SAMD4A: variants seen among roughly 807,000 people sequenced by gnomAD.
SAMD4A encodes protein Smaug homolog 1.
Under a neutral mutation model 81.3 loss-of-function variants are expected in SAMD4A, and 33 were observed. That is an observed-to-expected ratio of 0.41 (90% CI 0.31 to 0.54). The LOEUF is 0.54. Among genes scored for constraint, SAMD4A ranks in the 20% least tolerant of loss-of-function variants. SAMD4A has a pLI of 0.37. For synonymous variants in SAMD4A, 389 were observed against 382.1 expected, an observed-to-expected ratio of 1.02 and a Z score of -0.21; for missense variants, 854 against 951.1, an observed-to-expected ratio of 0.90 and a Z score of 1.34.
intron 3 of SAMD4A, among the ~76,000 whole-genome samples, chr14:54,722,307 G>C (rs569057936): frequency 1.3e-5 from 2 of 152,256 alleles, no homozygotes; most frequent in African/African-American, 4.8e-5. Context: ...CCAGAGTGAA[G>C]ATGTGACAGC....
chr14:54,766,725 C>T (rs1401854000), intron 8 of SAMD4A, among the ~76,000 whole-genome samples: 2 of 152,182 alleles, frequency 1.3e-5, no homozygotes, highest in South Asian at 2.1e-4. Context: ...TCCTCTCCCA[C>T]GCCTGCTCTC....
intron 3 of SAMD4A, among the ~76,000 whole-genome samples, chr14:54,708,076 A>C (rs907826832): frequency 6.6e-6 from 1 of 152,256 alleles, no homozygotes; most frequent in Admixed American, 6.5e-5. Flanking sequence ...AGATAGGGCA[A>C]GGACAGAAAC....
intron 3 of SAMD4A, among the ~76,000 whole-genome samples, chr14:54,707,005 A>G (rs1044391040): frequency 1.3e-5 from 2 of 152,136 alleles, no homozygotes. Flanking sequence ...TAAAAGTATC[A>G]TTAGGATAGG....
intron 2 of SAMD4A, among the ~76,000 whole-genome samples, chr14:54,595,298 T>G (rs948746116): frequency 1.3e-5 from 2 of 152,082 alleles, no homozygotes; most frequent in African/African-American, 2.4e-5. Flanking sequence ...TACTATCTTA[T>G]AAGTATACAA....
intron 3 of SAMD4A, among the ~76,000 whole-genome samples, chr14:54,716,718 T>C (rs978084557): frequency 2.0e-5 from 3 of 152,204 alleles, no homozygotes; most frequent in African/African-American, 7.2e-5. Flanking sequence ...GATGATTTTT[T>C]TGGCAATGTG....
At chr14:54,739,662 C>T (rs955417099) in intron 4 of SAMD4A, among the ~76,000 whole-genome samples, 4 of 152,168 alleles carry the variant, frequency 2.6e-5, no homozygotes, top group African/African-American at 4.8e-5. Context: ...CGAAGTGTCA[C>T]GGGCCAGTAT....
At chr14:54,576,948 G>A (rs547755222) in intron 2 of SAMD4A, among the ~76,000 whole-genome samples, 1 of 152,358 alleles carries the variant, frequency 6.6e-6, no homozygotes, top group Admixed American at 6.5e-5. Flanking sequence ...CAAGAAGGCA[G>A]AGCCTGAGGC....
At chr14:54,776,051 C>T (rs528300935) in intron 10 of SAMD4A, among the ~76,000 whole-genome samples, 9 of 147,052 alleles carry the variant, frequency 6.1e-5, no homozygotes, top group Admixed American at 4.1e-4. Flanking sequence ...AATCAGAGCC[C>T]TGAAATAGTT....
intron 2 of SAMD4A, among the ~76,000 whole-genome samples, chr14:54,677,386 C>T (rs61976981): frequency 0.059 from 8,968 of 152,262 alleles, 348 homozygotes; most frequent in Middle Eastern, 0.14. Flanking sequence ...CCCTATTACC[C>T]TAACTCCTCC....
At position 54,660,852 on chromosome 14, in the gene SAMD4A, T is replaced by C. The variant is rs181834536; in HGVS notation, c.197-41210T>C. ...GTATCCAAGCATATCCCTCCAGTCC[T>C]GTCAGCCACAGAATTGTTTGCCTGT... On this transcript the variant is annotated intron_variant, in intron 2 of 12. Coordinates refer to ENST00000554335, the MANE Select transcript of SAMD4A (RefSeq NM_015589.6). Among the ~76,000 whole-genome samples, 313 of 152,370 alleles carry C rather than the reference T, an allele frequency of 2.1e-3. 4 individuals carry two copies. Among genetic ancestry groups the C allele is most frequent in the Middle Eastern group, 0.01 (3 of 294 alleles).
intron 2 of SAMD4A, among the ~76,000 whole-genome samples, chr14:54,611,083 G>A (rs923415972): frequency 6.6e-6 from 1 of 152,062 alleles, no homozygotes; most frequent in Non-Finnish European, 1.5e-5. Flanking sequence ...TAATGACACA[G>A]AAATATTGTA....
At chr14:54,692,734 T>G (rs1323684127) in intron 2 of SAMD4A, among the ~76,000 whole-genome samples, 1 of 152,142 alleles carries the variant, frequency 6.6e-6, no homozygotes, top group Non-Finnish European at 1.5e-5. Flanking sequence ...CTGAGGGGTT[T>G]TTGGTGTAAA....
At chr14:54,612,396 G>C (rs2034380303) in intron 2 of SAMD4A, among the ~76,000 whole-genome samples, 1 of 151,922 alleles carries the variant, frequency 6.6e-6, no homozygotes, top group African/African-American at 2.4e-5. Context: ...GCTCTTTCCT[G>C]CTTGATAGAG....
intron 4 of SAMD4A, among the ~76,000 whole-genome samples, chr14:54,744,813 C>T (rs933800414): frequency 6.6e-6 from 1 of 152,200 alleles, no homozygotes; most frequent in African/African-American, 2.4e-5. Flanking sequence ...CAAGGAACCT[C>T]GTTCTCCAGC....
At chr14:54,750,015 C>G (rs78850151) in intron 5 of SAMD4A, among the ~76,000 whole-genome samples, 1 of 152,198 alleles carries the variant, frequency 6.6e-6, no homozygotes, top group Non-Finnish European at 1.5e-5. Context: ...GAAAGGCACT[C>G]ATTTCAACTT....
intron 4 of SAMD4A, among the ~76,000 whole-genome samples, chr14:54,737,953 C>T (rs904428274): frequency 2.3e-5 from 1 of 43,764 alleles, no homozygotes; most frequent in African/African-American, 1.8e-4. Flanking sequence ...TGAATCTACC[C>T]TCTTCTAAAA....
intron 2 of SAMD4A, among the ~76,000 whole-genome samples, chr14:54,644,119 C>A (rs567209762): frequency 6.6e-6 from 1 of 152,290 alleles, no homozygotes; most frequent in South Asian, 2.1e-4. Context: ...AAAACAAAGT[C>A]TACCTTTTGT....
chr14:54,728,857 C>T (rs2037489857), intron 3 of SAMD4A, among the ~76,000 whole-genome samples: 1 of 152,188 alleles, frequency 6.6e-6, no homozygotes, highest in Non-Finnish European at 1.5e-5. Context: ...GCTCTGCTGG[C>T]CGTAGGATTT....
At chr14:54,654,055 G>C (rs1380667274) in intron 2 of SAMD4A, among the ~76,000 whole-genome samples, 3 of 152,246 alleles carry the variant, frequency 2.0e-5, no homozygotes, top group Non-Finnish European at 2.9e-5. Context: ...TACAATGGTA[G>C]GAGTCTCCGG....
Sources: gnomAD v4.1 joint callset for allele counts (sites outside exome capture counted in the v4.1 genomes callset) on GRCh38, gnomAD v4.1.1 for gene constraint, MANE v1.5 for transcripts, NCBI Gene and HGNC (gene_info 2026-07-23, HGNC 2026-07-21) for gene names.